Variants in RARB observed in about 807,000 individuals in gnomAD.
RARB encodes HBV-activated protein.
Under a neutral mutation model 51.9 loss-of-function variants are expected in RARB, and 17 were observed. The ratio of observed to expected loss-of-function variants is 0.33; its 90% CI spans 0.22 to 0.49. The LOEUF is 0.49. Ranked by LOEUF, RARB falls within the 20% of genes least tolerant of loss-of-function variation. RARB has a pLI of 0.99. For missense variants in RARB, 369 were observed against 550.8 expected (o/e 0.67, Z 3.30); for synonymous variants, 215 against 195.4 (o/e 1.10, Z -0.84).
intron 3 of RARB, chr3:25,555,558 G>A (rs1255482617): frequency 6.6e-6 from 1 of 152,136 alleles, no homozygotes; most frequent in African/African-American, 2.4e-5. Flanking sequence ...TCAGGATTAA[G>A]TTTTAGTCAT....
intron 3 of RARB, among the ~76,000 whole-genome samples, chr3:25,094,456 C>A (rs1230405305): frequency 1.3e-5 from 2 of 152,220 alleles, no homozygotes; most frequent in East Asian, 3.9e-4. Context: ...GTAGCTCACA[C>A]CTGTAATCTC....
chr3:24,893,799 A>G (rs1008847068), intron 2 of RARB, among the ~76,000 whole-genome samples: 1 of 152,122 alleles, frequency 6.6e-6, no homozygotes, highest in Non-Finnish European at 1.5e-5. Flanking sequence ...TACTGGGATT[A>G]CAGGCGTGAG....
At chr3:25,252,479 A>G (rs917795138) in intron 5 of RARB, among the ~76,000 whole-genome samples, 1 of 152,182 alleles carries the variant, frequency 6.6e-6, no homozygotes, top group Non-Finnish European at 1.5e-5. Context: ...GTCCATGAAC[A>G]TGGTATATCT....
chr3:25,146,111 G>A (rs13093241), intron 4 of RARB, among the ~76,000 whole-genome samples: 76,924 of 151,996 alleles, frequency 0.51, 19,848 homozygotes, highest in East Asian at 0.69. Context: ...CACTAGCTCT[G>A]TGACCTTAGA....
Position 25,231,211 on chromosome 3 carries a change from C to T in RARB, c.178+56636C>T, listed in dbSNP as rs111990657. Among the ~76,000 whole-genome samples the T allele has an allele frequency of 5.7e-3, 862 of 152,210 alleles. 14 individuals carry two copies. The highest frequency in any genetic ancestry group is 0.018 in the African/African-American group (762 of 41,550). ...ATGATGTTTGAAGGTAAAAACTCAA[C>T]ACTTCTGGAAAGTTTAATTAAAGGG... On this transcript the variant is annotated intron_variant, in intron 5 of 11. Transcript: ENST00000383772.
intron 4 of RARB, among the ~76,000 whole-genome samples, chr3:25,172,962 A>G (rs1436255): frequency 0.014 from 2,089 of 152,326 alleles, 48 homozygotes; most frequent in African/African-American, 0.048. Flanking sequence ...AGCTGGACAC[A>G]CTGGCTCTAG....
intron 3 of RARB, among the ~76,000 whole-genome samples, chr3:25,111,211 T>G (rs978866573): frequency 6.6e-6 from 1 of 152,208 alleles, no homozygotes; most frequent in Non-Finnish European, 1.5e-5. Flanking sequence ...GATATATTTA[T>G]ATAAAGCTTT....
intron 2 of RARB, among the ~76,000 whole-genome samples, chr3:24,916,274 TGAAAA>T (rs1279246598): frequency 6.6e-6 from 1 of 152,014 alleles, no homozygotes; most frequent in Non-Finnish European, 1.5e-5. Context: ...GAAAGAAAGT[TGAAAA>T]GAATCTTAAG....
intron 5 of RARB, among the ~76,000 whole-genome samples, chr3:25,230,894 A>G (rs1358243182): frequency 1.3e-5 from 2 of 152,194 alleles, no homozygotes; most frequent in African/African-American, 4.8e-5. Context: ...TTAGCCACAC[A>G]GGACTACCAT....
chr3:25,014,078 C>T (rs769903310), intron 2 of RARB, among the ~76,000 whole-genome samples: 1 of 152,092 alleles, frequency 6.6e-6, no homozygotes, highest in Admixed American at 6.6e-5. Flanking sequence ...AAACTTACCT[C>T]CTTATCAGCT....
rs1050055427 is a variant in RARB, at chr3:25,144,028, CA to C, written c.-280+11824del. On this transcript the variant is annotated intron_variant, in intron 4 of 11. Coordinates refer to the RARB transcript ENST00000383772. ...CTTGCCAGAGTCAAAGGCCCCAGAA[CA>C]AAATTTTTTCTTATGGGAATCAATT... Among the ~76,000 whole-genome samples, 62 of 152,126 alleles carry C rather than the reference CA, an allele frequency of 4.1e-4. 2 individuals carry two copies.
chr3:25,130,666 A>G (rs1047516147), intron 3 of RARB, among the ~76,000 whole-genome samples: 1 of 151,860 alleles, frequency 6.6e-6, no homozygotes, highest in Admixed American at 6.6e-5. Context: ...CTGTGCTCCA[A>G]TTCAACCCTG....
chr3:25,003,449 T>G (rs546237857), intron 2 of RARB, among the ~76,000 whole-genome samples: 100 of 152,300 alleles, frequency 6.6e-4, no homozygotes, highest in Middle Eastern at 3.4e-3. Flanking sequence ...CCACTCTTGT[T>G]TCTACTTTTG....
rs143291593 is a variant in RARB at position 25,157,861 on chromosome 3, T to C, written c.-279-16258T>C. ...TGTTTCCTTGAATAAGACTCACCTC[T>C]TTATTTGCACGGTGTGAATTCACAA... is the stretch of plus-strand genomic sequence containing the variant. On this transcript the variant is annotated intron_variant, in intron 4 of 11. Transcript: ENST00000383772. 6.8e-4 allele frequency among the ~76,000 whole-genome samples: 103 copies of C among 152,362 alleles called. 1 individual carries two copies. In the East Asian group the frequency reaches 0.019, roughly 28 times the overall value.
intron 2 of RARB, among the ~76,000 whole-genome samples, chr3:24,943,389 C>G (rs760026662): frequency 3.9e-5 from 6 of 152,194 alleles, no homozygotes; most frequent in Admixed American, 6.5e-5. Flanking sequence ...GCCTAATTCT[C>G]TTCCCTCCAT....
intron 3 of RARB, among the ~76,000 whole-genome samples, chr3:25,517,136 C>G (rs912716059): frequency 1.3e-5 from 2 of 152,124 alleles, no homozygotes; most frequent in African/African-American, 4.8e-5. Flanking sequence ...TGTAATGTCA[C>G]TTCTAAAATA....
At chr3:24,967,673 G>C (rs1370496709) in intron 2 of RARB, among the ~76,000 whole-genome samples, 3 of 152,052 alleles carry the variant, frequency 2.0e-5, no homozygotes, top group African/African-American at 7.2e-5. Flanking sequence ...TTGCTTTATA[G>C]CACTATCAAA....
chr3:25,208,743 C>T (rs142041238), intron 5 of RARB, among the ~76,000 whole-genome samples: 72 of 152,250 alleles, frequency 4.7e-4, no homozygotes, highest in African/African-American at 1.7e-3. Context: ...AATGAGATCT[C>T]ATTGAGCCCC....
intron 3 of RARB, among the ~76,000 whole-genome samples, chr3:25,112,894 G>T (rs74956859): frequency 6.6e-6 from 1 of 152,154 alleles, no homozygotes; most frequent in Non-Finnish European, 1.5e-5. Context: ...ATACACAGAT[G>T]TGCAAGATCT....
Sources: gnomAD v4.1 joint callset for allele counts (sites outside exome capture counted in the v4.1 genomes callset) on GRCh38, gnomAD v4.1.1 for gene constraint, MANE v1.5 for transcripts, NCBI Gene and HGNC (gene_info 2026-07-23, HGNC 2026-07-21) for gene names.